Variants in ZNF385D observed in about 807,000 individuals in gnomAD.
ZNF385D encodes the protein zinc finger protein 385D.
ZNF385D carries 15 observed loss-of-function variants against 35.8 expected under a neutral mutation model. The ratio of observed to expected loss-of-function variants is 0.42; its 90% CI spans 0.28 to 0.64. The LOEUF (loss-of-function observed/expected upper bound fraction) is 0.64, where lower values mean the gene tolerates loss of function less well. Ranked by LOEUF, ZNF385D falls within the 30% of genes least tolerant of loss-of-function variation. The probability of loss-of-function intolerance (pLI) is 0.23; values close to 1 mark genes in which losing one functional copy is unlikely to be tolerated. For missense variants in ZNF385D, 474 were observed against 494.6 expected (o/e 0.96, Z 0.39); for synonymous variants, 212 against 186.8 (o/e 1.13, Z -1.10).
intron 4 of ZNF385D, among the ~76,000 whole-genome samples, chr3:21,457,343 T>C (rs1291855894): frequency 2.2e-5 from 2 of 92,710 alleles, no homozygotes; most frequent in African/African-American, 5.9e-5. Context: ...TATTTGTTGT[T>C]GTCGTTGTTG....
At chr3:22,070,153 C>T (rs1043748006) in intron 3 of ZNF385D, among the ~76,000 whole-genome samples, 16 of 152,040 alleles carry the variant, frequency 1.1e-4, no homozygotes, top group Non-Finnish European at 2.4e-4. Context: ...TAAAGATAAG[C>T]ATCTTATTTT....
chr3:21,735,020 A>C (rs868623284), intron 1 of ZNF385D, among the ~76,000 whole-genome samples: 1 of 152,106 alleles, frequency 6.6e-6, no homozygotes, highest in Non-Finnish European at 1.5e-5. Context: ...TTATCCCCAC[A>C]GCTATGTAGG....
In ZNF385D at chr3:22,018,884, G is replaced by A. The variant is rs143522616; in HGVS notation, c.325+149933C>T. Among the ~76,000 whole-genome samples, 1,150 of 152,002 alleles carry A rather than the reference G, an allele frequency of 7.6e-3. 18 individuals carry two copies. Among genetic ancestry groups the A allele is most frequent in the African/African-American group, 0.026 (1,094 of 41,502 alleles). On this transcript the variant is annotated intron_variant, in intron 3 of 5. Coordinates refer to the ZNF385D transcript ENST00000494108. Reference sequence around the variant, plus strand: ...TAATTTTTGAGTTTAGATTCCCAATGCATAGGCTGTGTAAGTTTGGCCTCT... The same window carrying A: ...TAATTTTTGAGTTTAGATTCCCAATACATAGGCTGTGTAAGTTTGGCCTCT...
intron 1 of ZNF385D, among the ~76,000 whole-genome samples, chr3:21,694,239 T>A (rs2067392178): frequency 1.3e-5 from 2 of 151,924 alleles, no homozygotes; most frequent in South Asian, 4.2e-4. Context: ...GAGACGGGGT[T>A]TCACCGTGTT....
At chr3:21,442,212 C>G (rs1414014026) in intron 4 of ZNF385D, among the ~76,000 whole-genome samples, 1 of 152,094 alleles carries the variant, frequency 6.6e-6, no homozygotes, top group Non-Finnish European at 1.5e-5. Flanking sequence ...ATGGTCTGGG[C>G]AAGAAATTTA....
intron 2 of ZNF385D, among the ~76,000 whole-genome samples, chr3:21,651,443 C>A (rs2065910853): frequency 6.6e-6 from 1 of 151,642 alleles, no homozygotes; most frequent in Admixed American, 6.6e-5. Flanking sequence ...TATAGTATGT[C>A]TGTGATCACT....
chr3:22,127,317 C>CCTTTTTTTTTTTTTT (rs1703492425), intron 3 of ZNF385D, among the ~76,000 whole-genome samples: 1 of 56,306 alleles, frequency 1.8e-5, no homozygotes, highest in African/African-American at 7.9e-5. Flanking sequence ...TCATTTCCTG[C>CCTTTTTTTTTTTTTT]TTTTTTTTTT....
chr3:22,296,813 G>C (rs1316702634), intron 2 of ZNF385D, among the ~76,000 whole-genome samples: 1 of 152,134 alleles, frequency 6.6e-6, no homozygotes, highest in East Asian at 1.9e-4. Context: ...TGGCTTCTCT[G>C]GAGAGCAAAA....
At chr3:22,027,163 T>C (rs1441591807) in intron 3 of ZNF385D, among the ~76,000 whole-genome samples, 43 of 152,232 alleles carry the variant, frequency 2.8e-4, no homozygotes, top group Admixed American at 2.8e-3. Flanking sequence ...AGGTGAAGGA[T>C]AAGTTGCTGC....
intron 3 of ZNF385D, among the ~76,000 whole-genome samples, chr3:21,998,977 T>C (rs17584537): frequency 0.03 from 4,579 of 152,286 alleles, 100 homozygotes; most frequent in Non-Finnish European, 0.045. Context: ...GGTTATCAAT[T>C]ACTGGCATCC....
At chr3:22,340,197 T>C (rs900286836) in intron 2 of ZNF385D, among the ~76,000 whole-genome samples, 2 of 152,224 alleles carry the variant, frequency 1.3e-5, no homozygotes, top group Admixed American at 6.5e-5. Context: ...TCAAATTAAA[T>C]ATAAATTATA....
At chr3:21,933,478 T>G (rs137859928) in intron 3 of ZNF385D, among the ~76,000 whole-genome samples, 23 of 152,324 alleles carry the variant, frequency 1.5e-4, no homozygotes, top group African/African-American at 3.8e-4. Flanking sequence ...TGTCCCCATT[T>G]GTGAAAAAGG....
intron 3 of ZNF385D, among the ~76,000 whole-genome samples, chr3:21,790,052 T>C (rs1393052088): frequency 6.6e-6 from 1 of 152,146 alleles, no homozygotes. Context: ...GGCCAAGATG[T>C]AGAGCATAGC....
chr3:21,780,876 A>G (rs181943116), intron 3 of ZNF385D, among the ~76,000 whole-genome samples: 2 of 152,190 alleles, frequency 1.3e-5, no homozygotes, highest in East Asian at 3.9e-4. Context: ...TTGGTTGTCC[A>G]AAATGGTTGA....
chr3:22,036,715 T>C (rs1013854853), intron 3 of ZNF385D, among the ~76,000 whole-genome samples: 4 of 150,442 alleles, frequency 2.7e-5, no homozygotes, highest in African/African-American at 1.0e-4. Context: ...CTAGGTTTTT[T>C]TTTTTTTTTT....
At chr3:22,096,891 C>A (rs951230186) in intron 3 of ZNF385D, among the ~76,000 whole-genome samples, 2 of 151,944 alleles carry the variant, frequency 1.3e-5, no homozygotes, top group Non-Finnish European at 2.9e-5. Context: ...ACTGATTGAC[C>A]AAAAAGACAC....
intron 3 of ZNF385D, among the ~76,000 whole-genome samples, chr3:21,880,624 A>T (rs1269940697): frequency 6.6e-6 from 1 of 152,048 alleles, no homozygotes; most frequent in Admixed American, 6.6e-5. Flanking sequence ...TACTAACCCT[A>T]CAATGGCCTC....
chr3:21,435,667 A>G (rs548406799), intron 5 of ZNF385D, among the ~76,000 whole-genome samples: 14 of 152,306 alleles, frequency 9.2e-5, no homozygotes, highest in African/African-American at 2.2e-4. Flanking sequence ...ATGCGGAATG[A>G]CCAAGGATTC....
chr3:21,985,641 GTC>G (rs1323497129), intron 3 of ZNF385D, among the ~76,000 whole-genome samples: 1 of 143,864 alleles, frequency 7.0e-6, no homozygotes, highest in Non-Finnish European at 1.5e-5. Context: ...TTTTGGTTGT[GTC>G]TCTGCCTGGC....
Sources: gnomAD v4.1 joint callset for allele counts (sites outside exome capture counted in the v4.1 genomes callset) on GRCh38, gnomAD v4.1.1 for gene constraint, MANE v1.5 for transcripts, NCBI Gene and HGNC (gene_info 2026-07-23, HGNC 2026-07-21) for gene names.